CSMD1: variants seen among roughly 807,000 people sequenced by gnomAD.
The protein encoded by CSMD1 is CUB and Sushi multiple domains 1.
Under a neutral mutation model 417.5 loss-of-function variants are expected in CSMD1, and 213 were observed. The observed-to-expected ratio is 0.51, with a 90% CI of 0.46 to 0.57. CSMD1 has a LOEUF of 0.57. CSMD1 is among the 20% of genes least tolerant of loss of function. The pLI is 0.00. For synonymous variants in CSMD1, 2,862 were observed against 1,736.8 expected (o/e 1.65, Z -16.11); for missense variants, 6,923 against 4,529.7 (o/e 1.53, Z -15.17).
chr8:4,876,410 A>G (rs1421481058), intron 1 of CSMD1, among the ~76,000 whole-genome samples: 2 of 152,128 alleles, frequency 1.3e-5, no homozygotes, highest in African/African-American at 2.4e-5. Flanking sequence ...AAGGAGTACA[A>G]GTGGCCTGTT....
chr8:4,293,854 T>C (rs1349733365), intron 3 of CSMD1, among the ~76,000 whole-genome samples: 1 of 152,222 alleles, frequency 6.6e-6, no homozygotes, highest in African/African-American at 2.4e-5. Context: ...GCTGTTCTAC[T>C]AGTTTTTGAC....
intron 10 of CSMD1, among the ~76,000 whole-genome samples, chr8:3,501,084 T>A (rs2117341664): frequency 6.6e-6 from 1 of 152,254 alleles, no homozygotes; most frequent in South Asian, 2.1e-4. Context: ...AAATCAAAAA[T>A]AAAATATACT....
At chr8:4,143,352 A>C (rs66650448) in intron 3 of CSMD1, among the ~76,000 whole-genome samples, 44,804 of 144,946 alleles carry the variant, frequency 0.31, 8,324 homozygotes, top group Non-Finnish European at 0.39. Context: ...GGCTGCTGAA[A>C]TATAATGACG....
At chr8:3,773,421 G>C (rs1004178536) in intron 5 of CSMD1, among the ~76,000 whole-genome samples, 1 of 152,020 alleles carries the variant, frequency 6.6e-6, no homozygotes, top group African/African-American at 2.4e-5. Flanking sequence ...AGAGTAGCTG[G>C]GACGACAGTC....
intron 2 of CSMD1, among the ~76,000 whole-genome samples, chr8:4,587,661 T>C (rs1167336512): frequency 1.3e-5 from 2 of 152,160 alleles, no homozygotes; most frequent in East Asian, 3.9e-4. Context: ...AAGAGAACTA[T>C]GTCTTATGAA....
intron 1 of CSMD1, among the ~76,000 whole-genome samples, chr8:4,899,210 T>C (rs143245599): frequency 3.3e-5 from 5 of 152,336 alleles, no homozygotes; most frequent in African/African-American, 1.2e-4. Context: ...GGAAGAAACA[T>C]CATTTGAAGC....
rs151236429 is a variant in CSMD1 at position 4,927,201 on chromosome 8, C to G, written c.85+67131G>C. ...AGCTCAGGGCAATCTCCACCTCCCA[C>G]GTTCAAGTGCTTTTTGGCTAATTTT... On this transcript the variant is annotated intron_variant, in intron 1 of 69. Coordinates refer to ENST00000635120, the MANE Select transcript of CSMD1 (RefSeq NM_033225.6). Among the ~76,000 whole-genome samples, 1,223 of 151,230 alleles carry G rather than the reference C, an allele frequency of 8.1e-3. 12 individuals carry two copies. Among genetic ancestry groups the G allele is most frequent in the African/African-American group, 0.028 (1,141 of 41,156 alleles).
intron 5 of CSMD1, among the ~76,000 whole-genome samples, chr8:3,976,025 TATATTCA>T (rs1563274132): frequency 6.6e-6 from 1 of 152,166 alleles, no homozygotes; most frequent in Non-Finnish European, 1.5e-5. Flanking sequence ...AAAAGATCAA[TATATTCA>T]ATATATACTG....
At chr8:2,941,747 A>G (rs570404699) in intron 69 of CSMD1, among the ~76,000 whole-genome samples, 26 of 152,336 alleles carry the variant, frequency 1.7e-4, no homozygotes, top group Non-Finnish European at 3.2e-4. Flanking sequence ...TACTACATAT[A>G]AAGAGCTAAA....
intron 39 of CSMD1, among the ~76,000 whole-genome samples, chr8:3,157,445 A>G (rs1819604865): frequency 6.6e-6 from 1 of 152,196 alleles, no homozygotes; most frequent in Non-Finnish European, 1.5e-5. Flanking sequence ...CAAGATAGTC[A>G]CCAGGCTGTT....
intron 1 of CSMD1, among the ~76,000 whole-genome samples, chr8:4,681,263 G>A (rs1021869406): frequency 1.3e-5 from 2 of 152,066 alleles, no homozygotes; most frequent in African/African-American, 2.4e-5. Flanking sequence ...AATAAATCCA[G>A]TCTGCTTGGC....
At position 3,284,045 on chromosome 8, in the gene CSMD1, CTG is replaced by C. The variant is rs1453729538; in HGVS notation, c.4153+97_4153+98del. The C allele has an allele frequency of 9.2e-6, 9 of 977,870 alleles. No homozygotes were observed. In the African/African-American group the frequency reaches 1.3e-4, roughly 14 times the overall value. The allele number at this position is 977,870 out of a possible 1,614,324, so 60.6% of individuals were successfully genotyped here. On this transcript the variant is annotated intron_variant, in intron 26 of 69. Coordinates refer to ENST00000635120, the MANE Select transcript of CSMD1 (RefSeq NM_033225.6). Reference sequence around the variant, plus strand: ...TCAAATTAGGCTCAATAAATTGCATCTGTGTAAGGAGACGCTGGTGAATATAA... The same window carrying C: ...TCAAATTAGGCTCAATAAATTGCATCTGTAAGGAGACGCTGGTGAATATAA...
chr8:4,063,145 TAGA>T lies in CSMD1; in HGVS notation c.416-31049_416-31047del, dbSNP rs1022437697. Among the ~76,000 whole-genome samples the T allele has an allele frequency of 7.2e-5, 11 of 152,238 alleles. No homozygotes were observed. The East Asian group carries it at 9.6e-4, about 13-fold the overall frequency. On this transcript the variant is annotated intron_variant, in intron 3 of 69. Transcript: ENST00000635120. ...AATTTATTGTGTATTTCAAAATGCC[TAGA>T]AGATTTGGAAATGATAAATGTTGAC...
At chr8:4,315,866 C>T (rs1157986931) in intron 3 of CSMD1, among the ~76,000 whole-genome samples, 2 of 152,038 alleles carry the variant, frequency 1.3e-5, no homozygotes, top group East Asian at 1.9e-4. Flanking sequence ...TCTCAGTCTT[C>T]TTAGTAAAAT....
intron 2 of CSMD1, among the ~76,000 whole-genome samples, chr8:4,478,517 T>C (rs989858228): frequency 5.9e-5 from 9 of 152,136 alleles, no homozygotes; most frequent in Admixed American, 1.3e-4. Context: ...GATGTATAAA[T>C]CAAAGAAAAT....
At chr8:3,638,387 T>C (rs1165124689) in intron 7 of CSMD1, among the ~76,000 whole-genome samples, 2 of 152,148 alleles carry the variant, frequency 1.3e-5, no homozygotes, top group Admixed American at 6.5e-5. Context: ...GTATCAGTTA[T>C]TGGTTTGATG....
chr8:3,985,431 A>G (rs76395673), intron 5 of CSMD1, among the ~76,000 whole-genome samples: 7,251 of 152,212 alleles, frequency 0.048, 249 homozygotes, highest in Non-Finnish European at 0.069. Context: ...GTGCACACAC[A>G]CACAAACACA....
chr8:3,286,131 C>T (rs1248705577), intron 25 of CSMD1, among the ~76,000 whole-genome samples: 2 of 152,048 alleles, frequency 1.3e-5, no homozygotes, highest in African/African-American at 2.4e-5. Flanking sequence ...CCAGCTTCAT[C>T]CATGTCCCTA....
At chr8:4,356,046 C>T (rs902945682) in intron 3 of CSMD1, among the ~76,000 whole-genome samples, 1 of 152,106 alleles carries the variant, frequency 6.6e-6, no homozygotes, top group African/African-American at 2.4e-5. Context: ...GATCCTGGTG[C>T]ACTCATCACC....
Sources: allele counts gnomAD v4.1 joint callset (sites outside exome capture counted in the v4.1 genomes callset), GRCh38; gene constraint gnomAD v4.1.1; transcripts MANE v1.5; gene names NCBI Gene and HGNC (gene_info 2026-07-23, HGNC 2026-07-21).